Variants in ATP13A5 observed in about 807,000 individuals in gnomAD.
ATP13A5 encodes ATPase 13A5, also known as probable cation-transporting ATPase 13A5.
Under a neutral mutation model 150.2 loss-of-function variants are expected in ATP13A5, and 149 were observed. The ratio of observed to expected loss-of-function variants is 0.99; its 90% CI spans 0.87 to 1.14. The LOEUF is 1.14. Among genes scored for constraint, ATP13A5 ranks in the 50% most tolerant of loss-of-function variants. The pLI is 0.00. For missense variants in ATP13A5, 1,383 were observed against 1,449.3 expected, an observed-to-expected ratio of 0.95 and a Z score of 0.74; for synonymous variants, 497 against 522.2, an observed-to-expected ratio of 0.95 and a Z score of 0.66.
At chr3:193,310,956 G>T (rs1309085786) in intron 20 of ATP13A5, among the ~76,000 whole-genome samples, 1 of 152,096 alleles carries the variant, frequency 6.6e-6, no homozygotes, top group Non-Finnish European at 1.5e-5. Flanking sequence ...CCAAGATGGG[G>T]TGACCACTAA....
chr3:193,337,174 C>T (rs1711910122), intron 9 of ATP13A5, among the ~76,000 whole-genome samples: 1 of 152,178 alleles, frequency 6.6e-6, no homozygotes, highest in Non-Finnish European at 1.5e-5. Flanking sequence ...AAATTTTCTC[C>T]CATTCTCTAG....
intron 27 of ATP13A5, among the ~76,000 whole-genome samples, chr3:193,282,273 A>T (rs1173370999): frequency 6.6e-6 from 1 of 152,220 alleles, no homozygotes; most frequent in African/African-American, 2.4e-5. Flanking sequence ...AAAATTATTC[A>T]TGTATAACAA....
intron 17 of ATP13A5, among the ~76,000 whole-genome samples, chr3:193,315,612 G>T (rs1052511070): frequency 3.3e-5 from 5 of 152,134 alleles, no homozygotes; most frequent in African/African-American, 1.2e-4. Context: ...GAAAGTGATG[G>T]CTTATAGTCC....
At chr3:193,332,723 C>G (rs1005732027) in intron 11 of ATP13A5, among the ~76,000 whole-genome samples, 1 of 152,202 alleles carries the variant, frequency 6.6e-6, no homozygotes, top group East Asian at 1.9e-4. Context: ...TAGCGCTGAA[C>G]CAGTGCAGAT....
chr3:193,316,356 C>G (rs1469416948), intron 17 of ATP13A5, among the ~76,000 whole-genome samples: 4 of 151,996 alleles, frequency 2.6e-5, no homozygotes, highest in Non-Finnish European at 5.9e-5. Flanking sequence ...ATTGGATCAC[C>G]TGGTGATCCA....
Position 193,354,940 on chromosome 3 carries a change from C to CTTTTTTTTTCTTTT in ATP13A5, c.537-745_537-744insAAAAGAAAAAAAAA, listed in dbSNP as rs545467259. ...TCTAGTATGAATCACAACAATGTAA[C>CTTTTTTTTTCTTTT]TTTTTTTTTGAGATGGAGTTTCACT... On this transcript the variant is annotated intron_variant, in intron 5 of 29. Transcript: ENST00000342358. 1.0e-4 allele frequency among the ~76,000 whole-genome samples: 13 copies of CTTTTTTTTTCTTTT among 127,972 alleles called. No homozygotes were observed. The South Asian group carries it at 1.5e-3, about 15-fold the overall frequency. 84.0% of individuals were successfully genotyped at this position (127,972 alleles called of 152,430 possible).
rs747061936 is a variant in ATP13A5, at chr3:193,284,986, T to TG, written c.3153dup (p.Thr1052HisfsTer13). 1.7e-4 allele frequency: 268 copies of TG among 1,613,992 alleles called. No individual in the cohort carries two copies. Among genetic ancestry groups the TG allele is most frequent in the Non-Finnish European group, 1.9e-4 (228 of 1,179,984 alleles). Reference sequence around the variant, plus strand: ...AATGCTACTGTGATATAGTTGATGGTGGTGATGGGCCACAGTGTGGTGGTC... The same window carrying TG: ...AATGCTACTGTGATATAGTTGATGGTGGGTGATGGGCCACAGTGTGGTGGTC... On this transcript the variant is annotated frameshift_variant, in exon 27 of 30. Coordinates refer to ENST00000342358, the MANE Select transcript of ATP13A5 (RefSeq NM_198505.4). LOFTEE classifies it high-confidence loss of function.
chr3:193,335,707 G>A (rs995476451), intron 9 of ATP13A5, among the ~76,000 whole-genome samples: 4 of 152,130 alleles, frequency 2.6e-5, no homozygotes, highest in Admixed American at 6.5e-5. Context: ...GCTCAAAATC[G>A]TTAGCCTTTT....
chr3:193,301,172 A>G, intron 24 of ATP13A5, 39 bp downstream of exon 24: 1 of 1,433,692 alleles, frequency 7.0e-7, no homozygotes, highest in Non-Finnish European at 9.8e-7. Flanking sequence ...AGGGACATAA[A>G]TGCAATTAGA....
chr3:193,376,890 G>A (rs1713663799), intron 1 of ATP13A5, among the ~76,000 whole-genome samples: 1 of 152,174 alleles, frequency 6.6e-6, no homozygotes. Flanking sequence ...ATTTGCATCT[G>A]TGCTCTACGC....
At chr3:193,289,071 C>G (rs947478089) in intron 26 of ATP13A5, among the ~76,000 whole-genome samples, 4 of 152,140 alleles carry the variant, frequency 2.6e-5, no homozygotes, top group African/African-American at 9.7e-5. Context: ...AAATGACAAT[C>G]TGATCATTTG....
intron 12 of ATP13A5, 111 bp from the exon 13 acceptor site, chr3:193,327,168 A>G (rs1233421370): frequency 1.0e-6 from 1 of 957,240 alleles, no homozygotes; most frequent in South Asian, 1.7e-5. Flanking sequence ...AGTAGTCTAA[A>G]TACCTTGTTT....
chr3:193,311,745 A>G, intron 20 of ATP13A5, 71 bp downstream of exon 20: 1 of 1,578,990 alleles, frequency 6.3e-7, no homozygotes, highest in Non-Finnish European at 8.6e-7. Flanking sequence ...CACTGTTTTC[A>G]ATACTCTCCT....
chr3:193,304,625 A>G (rs1162499152), intron 23 of ATP13A5, among the ~76,000 whole-genome samples: 1 of 152,194 alleles, frequency 6.6e-6, no homozygotes, highest in African/African-American at 2.4e-5. Context: ...TAAAACATAA[A>G]ACTGGGTGTT....
chr3:193,329,013 G>A (rs1009182746), intron 12 of ATP13A5, among the ~76,000 whole-genome samples: 5 of 152,154 alleles, frequency 3.3e-5, no homozygotes, highest in Admixed American at 6.5e-5. Context: ...TTGGGAGGCC[G>A]AGGAGGGTGG....
At position 193,310,686 on chromosome 3, in the gene ATP13A5, A is replaced by T; in HGVS notation, c.2477T>A (p.Met826Lys). Residue 826 changes from methionine to lysine, a missense_variant, in exon 21 of 30, where the codon ATG becomes AAG. By Grantham distance (95) the Met-to-Lys change is moderately conservative (BLOSUM62 -1). Transcript: ENST00000342358. Reference sequence around the variant, plus strand: ...AAGGCTTGATTTCTGCCCAGGAGACATTCTTGCAAAAACTGTTCCATTCAC... The same window carrying T: ...AAGGCTTGATTTCTGCCCAGGAGACTTTCTTGCAAAAACTGTTCCATTCAC... ...ILVNGTVFAR[M>K]SPGQKSSLIE... is the part of the protein sequence containing the mutation. The T allele has an allele frequency of 6.2e-7, 1 of 1,610,390 alleles. No individual in the cohort carries two copies. The highest frequency in any genetic ancestry group is 8.5e-7 in the Non-Finnish European group (1 of 1,179,150).
At chr3:193,347,546 C>T (rs926946408) in intron 7 of ATP13A5, among the ~76,000 whole-genome samples, 12 of 125,516 alleles carry the variant, frequency 9.6e-5, no homozygotes, top group African/African-American at 2.9e-4. Flanking sequence ...CTTAGAAACT[C>T]GTTTAGATAA....
intron 9 of ATP13A5, among the ~76,000 whole-genome samples, chr3:193,340,671 A>G (rs934206623): frequency 6.6e-6 from 1 of 152,234 alleles, no homozygotes; most frequent in Non-Finnish European, 1.5e-5. Context: ...CCCTAAGAGA[A>G]TGAGGAAACA....
At chr3:193,359,816 T>TGTGGTG in intron 5 of ATP13A5, among the ~76,000 whole-genome samples, 1 of 151,868 alleles carries the variant, frequency 6.6e-6, no homozygotes, top group East Asian at 1.9e-4. Flanking sequence ...TGTGTGTGTG[T>TGTGGTG]GTGGTGGTGG....
Sources: gnomAD v4.1 joint callset for allele counts (sites outside exome capture counted in the v4.1 genomes callset) on GRCh38, gnomAD v4.1.1 for gene constraint, MANE v1.5 for transcripts, NCBI Gene and HGNC (gene_info 2026-07-23, HGNC 2026-07-21) for gene names.